Variants in STARD3NL observed in about 807,000 individuals in gnomAD.
The protein encoded by STARD3NL is STARD3 N-terminal like.
In STARD3NL, 17 loss-of-function variants were observed where a neutral mutation model predicts 30.9. That is an observed-to-expected ratio of 0.55 (90% confidence interval 0.38 to 0.82). The LOEUF is 0.82. STARD3NL is among the 40% of genes least tolerant of loss of function. The probability of loss-of-function intolerance (pLI) is 0.00; values close to 1 mark genes in which losing one functional copy is unlikely to be tolerated. For missense variants in STARD3NL, 234 were observed against 277.6 expected (o/e 0.84, Z 1.12); for synonymous variants, 112 against 100.5 (o/e 1.11, Z -0.69).
chr7:38,218,034 T>C (rs1786225308), intron 6 of STARD3NL, among the ~76,000 whole-genome samples: 1 of 152,188 alleles, frequency 6.6e-6, no homozygotes, highest in Admixed American at 6.6e-5. Flanking sequence ...AAATGATTGA[T>C]TAAGCTTTAT....
intron 7 of STARD3NL, among the ~76,000 whole-genome samples, chr7:38,220,650 A>C (rs935766148): frequency 6.6e-6 from 1 of 152,246 alleles, no homozygotes; most frequent in African/African-American, 2.4e-5. Flanking sequence ...TATGTACCCA[A>C]AGGAAATGAA....
chr7:38,217,411 G>T (rs1346806254), intron 6 of STARD3NL, 106 bp downstream of exon 6: 9 of 1,010,002 alleles, frequency 8.9e-6, no homozygotes, highest in Admixed American at 2.0e-5. Flanking sequence ...GTAGAGTTAG[G>T]CAGTGGTGGG....
Position 38,193,074 on chromosome 7 carries a change from C to T in STARD3NL, c.-58-14373C>T, listed in dbSNP as rs1301493989. Among the ~76,000 whole-genome samples the T allele has an allele frequency of 3.9e-5, 6 of 152,142 alleles. No individual in the cohort carries two copies. The East Asian group carries it at 1.2e-3, about 29-fold the overall frequency. On this transcript the variant is annotated intron_variant, in intron 1 of 8. Coordinates refer to ENST00000009041, the MANE Select transcript of STARD3NL (RefSeq NM_032016.4). ...TTTAAGAGAGTGAAACAGATATCCACTTGGAAATGAAGAGTTGTCCTACAA... is the reference window on the plus strand; with the variant it reads ...TTTAAGAGAGTGAAACAGATATCCATTTGGAAATGAAGAGTTGTCCTACAA...
chr7:38,229,358 C>A (rs750026206), intron 8 of STARD3NL, among the ~76,000 whole-genome samples: 1 of 152,378 alleles, frequency 6.6e-6, no homozygotes, highest in East Asian at 1.9e-4. Flanking sequence ...CAGCCCCTCA[C>A]TGGGACATTT....
At position 38,227,998 on chromosome 7, in the gene STARD3NL, C is replaced by T. The variant is rs922086364; in HGVS notation, c.650-801C>T. Among the ~76,000 whole-genome samples the T allele has an allele frequency of 1.6e-4, 24 of 152,070 alleles. 1 individual carries two copies. Among genetic ancestry groups the T allele is most frequent in the Admixed American group, 1.1e-3 (17 of 15,270 alleles). ...GTGGTTATTTTCTTCTACTCTTTCT[C>T]GTTTGCACACATATATTTGGTTTTT... On this transcript the variant is annotated intron_variant, in intron 7 of 8. Transcript: ENST00000009041.
chr7:38,216,985 G>A (rs369561340), intron 4 of STARD3NL, 40 bp from the exon 5 acceptor site: 592 of 1,608,398 alleles, frequency 3.7e-4, no homozygotes, highest in Non-Finnish European at 4.7e-4. Context: ...CACAGTGTGA[G>A]ATGCCTAGTG....
chr7:38,183,812 C>T (rs1784342606), intron 1 of STARD3NL, among the ~76,000 whole-genome samples: 2 of 152,156 alleles, frequency 1.3e-5, no homozygotes, highest in Non-Finnish European at 1.5e-5. Context: ...GTTTTCACAG[C>T]ATGTGGAACC....
At chr7:38,183,325 T>C (rs1784322336) in intron 1 of STARD3NL, among the ~76,000 whole-genome samples, 1 of 152,226 alleles carries the variant, frequency 6.6e-6, no homozygotes, top group Non-Finnish European at 1.5e-5. Flanking sequence ...GGTAATTCTT[T>C]GTTGGGGACT....
At chr7:38,228,195 C>T (rs1212004051) in intron 7 of STARD3NL, among the ~76,000 whole-genome samples, 1 of 152,184 alleles carries the variant, frequency 6.6e-6, no homozygotes, top group African/African-American at 2.4e-5. Flanking sequence ...TTCTCAGACA[C>T]TTAGCTTTCT....
chr7:38,223,717 A>T (rs1030117177), intron 7 of STARD3NL, among the ~76,000 whole-genome samples: 14 of 149,166 alleles, frequency 9.4e-5, no homozygotes, highest in Admixed American at 9.0e-4. Context: ...GATTCGAAAC[A>T]CAGCTTTTTC....
chr7:38,219,652 C>A lies in STARD3NL; in HGVS notation c.641C>A (p.Ser214Tyr). Residue 214 changes from serine to tyrosine, a missense_variant, in exon 7 of 9, where the codon TCC (serine) becomes TAC (tyrosine). Physicochemically the swap from Ser to Tyr is moderately radical, Grantham distance 144. Coordinates refer to ENST00000009041, the MANE Select transcript of STARD3NL (RefSeq NM_032016.4). ...SDGQFYSPPE[S>Y]EAGSEEAEEK... ...GGTCAGTTTTATTCCCCTCCTGAAT[C>A]CGAAGCAGGTAAAAAACTTGATTAT... is the stretch of plus-strand genomic sequence containing the variant. The A allele has an allele frequency of 1.9e-6, 3 of 1,611,926 alleles. No homozygotes were observed. Among genetic ancestry groups the A allele is most frequent in the Non-Finnish European group, 2.5e-6 (3 of 1,178,368 alleles).
At chr7:38,199,455 C>T (rs1411301280) in intron 1 of STARD3NL, among the ~76,000 whole-genome samples, 1 of 152,172 alleles carries the variant, frequency 6.6e-6, no homozygotes. Flanking sequence ...TTGTTCTGTT[C>T]CTGCTGTCTG....
At chr7:38,189,190 A>G (rs1323573170) in intron 1 of STARD3NL, among the ~76,000 whole-genome samples, 1 of 152,184 alleles carries the variant, frequency 6.6e-6, no homozygotes, top group African/African-American at 2.4e-5. Context: ...AGATTTATTA[A>G]GATGGAATGA....
intron 1 of STARD3NL, 24 bp from the exon 2 acceptor site, chr7:38,207,423 G>T (rs1785545577): frequency 7.9e-6 from 9 of 1,132,584 alleles, no homozygotes; most frequent in Non-Finnish European, 1.1e-5. Context: ...ATTTAACATG[G>T]TGTCTCTTTT....
At chr7:38,200,867 T>C (rs2116144258) in intron 1 of STARD3NL, among the ~76,000 whole-genome samples, 1 of 152,312 alleles carries the variant, frequency 6.6e-6, no homozygotes, top group East Asian at 1.9e-4. Flanking sequence ...GACTGTTAGT[T>C]TCACCAGCAG....
chr7:38,215,063 T>G lies in STARD3NL; in HGVS notation c.339T>G (p.Leu113=). The G allele has an allele frequency of 1.2e-6, 2 of 1,614,042 alleles. No individual in the cohort carries two copies. The highest frequency in any genetic ancestry group is 2.2e-5 in the South Asian group (2 of 91,088). ...LAVFRFKVLI[L]AYAVCRLRHW... is the part of the protein sequence containing the mutation. ...TTTTTCGATTTAAAGTGTTAATACT[T>G]GCATATGCTGTGTGCAGACTGCGCC... Residue 113 remains leucine, a synonymous_variant, in exon 4 of 9, where the codon CTT becomes CTG. Coordinates refer to ENST00000009041, the MANE Select transcript of STARD3NL (RefSeq NM_032016.4).
intron 1 of STARD3NL, among the ~76,000 whole-genome samples, chr7:38,193,201 G>C (rs137868230): frequency 6.6e-6 from 1 of 152,154 alleles, no homozygotes; most frequent in South Asian, 2.1e-4. Flanking sequence ...ATTGTAAGTT[G>C]TGTTCGTGCA....
chr7:38,191,608 GGTT>G (rs1784689049), intron 1 of STARD3NL, among the ~76,000 whole-genome samples: 2 of 151,980 alleles, frequency 1.3e-5, no homozygotes, highest in Non-Finnish European at 2.9e-5. Context: ...TTTAATATCT[GGTT>G]GTTTTCTTCA....
chr7:38,211,818 A>G (rs1785820783), intron 2 of STARD3NL, among the ~76,000 whole-genome samples: 1 of 152,174 alleles, frequency 6.6e-6, no homozygotes, highest in Non-Finnish European at 1.5e-5. Context: ...CTTAGGCCAA[A>G]CATGAAAACG....
Sources: gnomAD v4.1 joint callset for allele counts (sites outside exome capture counted in the v4.1 genomes callset) on GRCh38, gnomAD v4.1.1 for gene constraint, MANE v1.5 for transcripts, NCBI Gene and HGNC (gene_info 2026-07-23, HGNC 2026-07-21) for gene names.